The following USH2A variants were observed in gnomAD, a reference collection of about 807,000 sequenced individuals.
The protein encoded by USH2A is usherin.
A neutral mutation model predicts 538.9 loss-of-function variants in USH2A; 443 were observed. The observed-to-expected ratio is 0.82, with a 90% confidence interval of 0.76 to 0.89. USH2A has a LOEUF of 0.89. Among genes scored for constraint, USH2A ranks in the 40% least tolerant of loss-of-function variants. The pLI is 0.00. For synonymous variants in USH2A, 2,413 were observed against 2,273.5 expected (o/e 1.06, Z -1.75); for missense variants, 6,633 against 6,324.8 (o/e 1.05, Z -1.65).
intron 9 of USH2A, among the ~76,000 whole-genome samples, chr1:216,293,948 G>C (rs772073681): frequency 6.6e-6 from 1 of 152,152 alleles, no homozygotes; most frequent in African/African-American, 2.4e-5. Flanking sequence ...CTTGAGTTAC[G>C]TTGTTGGAGG....
chr1:215,958,134 T>A (rs1667114083), intron 37 of USH2A, among the ~76,000 whole-genome samples: 1 of 145,798 alleles, frequency 6.9e-6, no homozygotes. Context: ...CGCTTCTGTA[T>A]ATTTTTTTTC....
rs1558031562 is a variant in USH2A at position 215,634,627 on chromosome 1, G to A, written c.15129C>T (p.Phe5043=). The stretch of plus-strand genomic sequence containing the variant: ...AGCCCAGCATCGCCATTAACACTAT[G>A]AACCACAGCTCGCTGTAGAACTCTG... ...KSTEFYSELW[F]IVLMAMLGLI... Residue 5043 remains phenylalanine (F), a synonymous_variant, in exon 70 of 72, where the codon TTC becomes TTT. Transcript: ENST00000307340. 26 of 1,614,176 alleles carry A rather than the reference G, an allele frequency of 1.6e-5. No homozygotes were observed. The highest frequency in any genetic ancestry group is 2.2e-5 in the Non-Finnish European group (26 of 1,180,032).
At chr1:216,196,983 T>C (rs2034862181) in intron 18 of USH2A, among the ~76,000 whole-genome samples, 1 of 152,174 alleles carries the variant, frequency 6.6e-6, no homozygotes, top group South Asian at 2.1e-4. Context: ...TTTGCTCATG[T>C]TCATAAAGAT....
chr1:215,971,734 G>T (rs111487939), intron 35 of USH2A, among the ~76,000 whole-genome samples: 28 of 152,282 alleles, frequency 1.8e-4, no homozygotes, highest in African/African-American at 6.3e-4. Flanking sequence ...TTCTGCTTAT[G>T]ACACAGAGAT....
At chr1:216,221,778 CTAAA>C (rs1265495704) in intron 14 of USH2A, among the ~76,000 whole-genome samples, 1 of 152,168 alleles carries the variant, frequency 6.6e-6, no homozygotes, top group African/African-American at 2.4e-5. Context: ...ATGCAAATAA[CTAAA>C]TAACTTTCAG....
chr1:216,252,995 C>T (rs1409260686), intron 11 of USH2A, among the ~76,000 whole-genome samples: 1 of 152,164 alleles, frequency 6.6e-6, no homozygotes, highest in African/African-American at 2.4e-5. Flanking sequence ...AGATAGTAAA[C>T]ACCTTAAGGC....
intron 49 of USH2A, among the ~76,000 whole-genome samples, chr1:215,804,764 C>T (rs1662445279): frequency 6.6e-6 from 1 of 152,100 alleles, no homozygotes; most frequent in Admixed American, 6.5e-5. Context: ...TACCATTTGA[C>T]CCAGCCATCC....
intron 35 of USH2A, 79 bp from the exon 36 acceptor site, chr1:215,970,855 T>G: frequency 7.2e-7 from 1 of 1,396,172 alleles, no homozygotes; most frequent in Non-Finnish European, 1.0e-6. Context: ...GCACTCTTGA[T>G]GTGATTTCTA....
chr1:216,391,623 C>T (rs1273629965), intron 3 of USH2A, among the ~76,000 whole-genome samples: 2 of 152,008 alleles, frequency 1.3e-5, no homozygotes, highest in African/African-American at 2.4e-5. Flanking sequence ...TAAATAATAA[C>T]CAGGCATGCA....
At chr1:215,869,845 G>A (rs766519232) in intron 43 of USH2A, among the ~76,000 whole-genome samples, 1 of 152,072 alleles carries the variant, frequency 6.6e-6, no homozygotes. Flanking sequence ...ATTCTATAGG[G>A]CTTTAGTTTT....
chr1:216,127,283 ACTC>A (rs2033274902), intron 21 of USH2A, among the ~76,000 whole-genome samples: 3 of 152,198 alleles, frequency 2.0e-5, no homozygotes, highest in Non-Finnish European at 2.9e-5. Flanking sequence ...TCATAAATGT[ACTC>A]ATTGATGACT....
intron 21 of USH2A, among the ~76,000 whole-genome samples, chr1:216,111,455 T>C (rs1172715016): frequency 6.6e-6 from 1 of 152,092 alleles, no homozygotes; most frequent in Non-Finnish European, 1.5e-5. Context: ...ATTCTTCAAA[T>C]CCTGCTAGGA....
intron 9 of USH2A, among the ~76,000 whole-genome samples, chr1:216,293,110 C>T (rs541036334): frequency 1.7e-4 from 25 of 151,382 alleles, no homozygotes; most frequent in South Asian, 1.5e-3. Context: ...CTGCAAGCTC[C>T]GCCTCACGGG....
chr1:216,278,023 C>T (rs1247578285), intron 11 of USH2A, among the ~76,000 whole-genome samples: 1 of 152,138 alleles, frequency 6.6e-6, no homozygotes, highest in Non-Finnish European at 1.5e-5. Context: ...ATTCTAACTA[C>T]ATTGCTATTG....
Position 215,623,910 on chromosome 1 carries a change from A to ATTCT in USH2A, c.*1870_*1871insAGAA, listed in dbSNP as rs1655899691. The ATTCT allele has an allele frequency of 6.6e-6, 1 of 152,168 alleles. No homozygotes were observed. The allele number at this position is 152,168 out of a possible 1,614,324, so 9.4% of individuals were successfully genotyped here. On this transcript the variant is annotated 3_prime_UTR_variant, in exon 72 of 72. Transcript: ENST00000307340. ...GTGACTAGCAAACTGTATTCTTAGAAGAGTCCACCAAGGATTAGGATGCAA... is the reference window on the plus strand; with the variant it reads ...GTGACTAGCAAACTGTATTCTTAGAATTCTGAGTCCACCAAGGATTAGGATGCAA...
chr1:216,043,502 GAATC>G (rs1294731715), intron 32 of USH2A, among the ~76,000 whole-genome samples: 1 of 152,010 alleles, frequency 6.6e-6, no homozygotes, highest in African/African-American at 2.4e-5. Flanking sequence ...AACCATTGAA[GAATC>G]AATCTATTAC....
At chr1:216,248,242 T>G (rs1306166744) in intron 12 of USH2A, among the ~76,000 whole-genome samples, 1 of 152,046 alleles carries the variant, frequency 6.6e-6, no homozygotes, top group African/African-American at 2.4e-5. Context: ...AAGAAAAATG[T>G]TTTATCACCT....
At position 216,086,797 on chromosome 1, in the gene USH2A, T is replaced by C. The variant is rs1558251738; in HGVS notation, c.4909A>G (p.Ser1637Gly). Residue 1637 changes from serine (S) to glycine (G), a missense_variant, in exon 24 of 72, where the codon AGT (serine) becomes GGT (glycine). Transcript: ENST00000307340. ...CCTGTGTTATCTCCAATAACAGTAC[T>C]ACCATTCAGGATGGCAGAGGAACCT... ...YTGSSAILNG[S>G]TVIGDNTGVF... is the part of the protein sequence containing the mutation. 2 of 1,612,836 alleles carry C rather than the reference T, an allele frequency of 1.2e-6. No homozygotes were observed. Among genetic ancestry groups the C allele is most frequent in the Admixed American group, 1.7e-5 (1 of 59,888 alleles).
intron 14 of USH2A, among the ~76,000 whole-genome samples, chr1:216,219,666 G>C (rs755754371): frequency 6.6e-6 from 1 of 152,070 alleles, no homozygotes; most frequent in Admixed American, 6.6e-5. Context: ...AATGGTTTTT[G>C]TAATATTAAT....
Sources: allele counts gnomAD v4.1 joint callset (sites outside exome capture counted in the v4.1 genomes callset), GRCh38; gene constraint gnomAD v4.1.1; transcripts MANE v1.5; gene names NCBI Gene and HGNC (gene_info 2026-07-23, HGNC 2026-07-21).